Variants in HEMK2 observed in about 807,000 individuals in gnomAD.
HEMK2 encodes the protein HemK methyltransferase 2, ETF1 glutamine and histone H4 lysine, also known as methyltransferase HEMK2.
chr21:28,704,564 A>AAAC, the HEMK2 span, among the ~76,000 whole-genome samples: 8 of 151,922 alleles, frequency 5.3e-5, no homozygotes, highest in Admixed American at 5.2e-4. Flanking sequence ...TGGCAAAAAA[A>AAAC]AAAAAAAAAA....
the HEMK2 span, among the ~76,000 whole-genome samples, chr21:28,877,062 A>AGGGAG: frequency 7.4e-5 from 1 of 13,458 alleles, no homozygotes; most frequent in African/African-American, 3.9e-4. Context: ...GAGGGAGGGA[A>AGGGAG]GGAGGGAGGG....
the HEMK2 span, among the ~76,000 whole-genome samples, chr21:28,662,640 C>G: frequency 6.6e-6 from 1 of 152,080 alleles, no homozygotes; most frequent in African/African-American, 2.4e-5. Flanking sequence ...TGCTGCTGTT[C>G]TCGTAATAGT....
At chr21:28,868,011 T>A in the HEMK2 span, among the ~76,000 whole-genome samples, 1 of 152,226 alleles carries the variant, frequency 6.6e-6, no homozygotes, top group Non-Finnish European at 1.5e-5. Context: ...CCTTTGTGTA[T>A]AATCACTTAT....
chr21:28,787,057 G>A, the HEMK2 span, among the ~76,000 whole-genome samples: 16 of 152,022 alleles, frequency 1.1e-4, no homozygotes, highest in East Asian at 1.2e-3. Flanking sequence ...GAAATAAATC[G>A]AAATACTTAC....
chr21:28,800,473 T>C, the HEMK2 span, among the ~76,000 whole-genome samples: 1 of 152,170 alleles, frequency 6.6e-6, no homozygotes, highest in Non-Finnish European at 1.5e-5. Flanking sequence ...TCTGTACCCA[T>C]TATATTAAAA....
At chr21:28,649,252 G>C in the HEMK2 span, among the ~76,000 whole-genome samples, 1 of 152,074 alleles carries the variant, frequency 6.6e-6, no homozygotes. Flanking sequence ...TAAATTAAAA[G>C]AGGAAGCTCA....
the HEMK2 span, among the ~76,000 whole-genome samples, chr21:28,809,001 A>G: frequency 1.3e-5 from 2 of 152,320 alleles, no homozygotes; most frequent in African/African-American, 4.8e-5. Context: ...TACTTTTGCT[A>G]GTTTGTGCAA....
chr21:28,600,338 C>T, the HEMK2 span, among the ~76,000 whole-genome samples: 12 of 152,248 alleles, frequency 7.9e-5, no homozygotes, highest in African/African-American at 1.2e-4. Context: ...GCAGGCTCAA[C>T]ACCACGTGGA....
chr21:28,830,246 T>A, the HEMK2 span, among the ~76,000 whole-genome samples: 1 of 152,108 alleles, frequency 6.6e-6, no homozygotes, highest in Non-Finnish European at 1.5e-5. Context: ...GGGGGAGGGA[T>A]CTGGTGGGAG....
chr21:28,878,274 C>T, the HEMK2 span: 1 of 1,611,802 alleles, frequency 6.2e-7, no homozygotes, highest in South Asian at 1.1e-5. Flanking sequence ...AAAACCTGTC[C>T]ATGACTTCCC....
At chr21:28,705,791 G>C in the HEMK2 span, among the ~76,000 whole-genome samples, 1 of 152,014 alleles carries the variant, frequency 6.6e-6, no homozygotes, top group Admixed American at 6.6e-5. Context: ...GCCTTTTCCA[G>C]CTTCCAGAGA....
the HEMK2 span, among the ~76,000 whole-genome samples, chr21:28,856,313 G>A: frequency 6.6e-6 from 1 of 152,104 alleles, no homozygotes; most frequent in Non-Finnish European, 1.5e-5. Flanking sequence ...TACTTGGGAG[G>A]CTGAAGCAGG....
At chr21:28,770,277 C>A in the HEMK2 span, among the ~76,000 whole-genome samples, 2 of 152,072 alleles carry the variant, frequency 1.3e-5, no homozygotes, top group Non-Finnish European at 2.9e-5. Flanking sequence ...AGGAAGAAAC[C>A]CTTTCCTTTA....
chr21:28,876,311 C>T, the HEMK2 span: 5 of 988,980 alleles, frequency 5.1e-6, no homozygotes, highest in Non-Finnish European at 7.4e-6. Context: ...TTCCTTGTTA[C>T]CTAATGAATG....
chr21:28,610,957 T>C, the HEMK2 span, among the ~76,000 whole-genome samples: 3 of 152,114 alleles, frequency 2.0e-5, no homozygotes, highest in African/African-American at 7.2e-5. Flanking sequence ...GTGTGGGAAT[T>C]TAATACTCCA....
the HEMK2 span, among the ~76,000 whole-genome samples, chr21:28,587,029 T>C: frequency 6.6e-6 from 1 of 152,202 alleles, no homozygotes; most frequent in Admixed American, 6.5e-5. Context: ...ATAAAATATT[T>C]ATGATTACAA....
the HEMK2 span, among the ~76,000 whole-genome samples, chr21:28,650,425 T>G: frequency 4.6e-5 from 7 of 151,910 alleles, no homozygotes; most frequent in South Asian, 1.3e-3. Context: ...CCGTTTAATA[T>G]TGGAGGCAGA....
chr21:28,717,480 CTTTTTT>C, the HEMK2 span, among the ~76,000 whole-genome samples: 1 of 117,324 alleles, frequency 8.5e-6, no homozygotes, highest in African/African-American at 3.5e-5. Context: ...TCATTTTAGT[CTTTTTT>C]TTTTTTTTTT....
chr21:28,655,345 G>A, the HEMK2 span, among the ~76,000 whole-genome samples: 4 of 152,110 alleles, frequency 2.6e-5, no homozygotes, highest in Admixed American at 1.3e-4. Context: ...TGAGGTAATT[G>A]CTTGTAAATG....
Sources: allele counts gnomAD v4.1 joint callset (sites outside exome capture counted in the v4.1 genomes callset), GRCh38; gene constraint gnomAD v4.1.1; transcripts MANE v1.5; gene names NCBI Gene and HGNC (gene_info 2026-07-23, HGNC 2026-07-21).